The following GABRB3 variants were observed in gnomAD, a reference collection of about 807,000 sequenced individuals.
The protein encoded by GABRB3 is gamma-aminobutyric acid type A receptor subunit beta3.
A neutral mutation model predicts 52.1 loss-of-function variants in GABRB3; 14 were observed. That is an observed-to-expected ratio of 0.27 (90% confidence interval 0.18 to 0.42). The LOEUF is 0.42. Ranked by LOEUF, GABRB3 falls within the 10% of genes least tolerant of loss-of-function variation. The pLI is 1.00. For synonymous variants in GABRB3, 260 were observed against 232.3 expected (o/e 1.12, Z -1.08); for missense variants, 307 against 609.1 (o/e 0.50, Z 5.22).
rs1333585884 is a variant in GABRB3, at chr15:26,545,880, G to A, written c.*1913C>T. 6.6e-6 allele frequency: 1 copy of A among 152,624 alleles called. No homozygotes were observed. Among genetic ancestry groups the A allele is most frequent in the Non-Finnish European group, 1.5e-5 (1 of 68,042 alleles). 9.5% of individuals were successfully genotyped at this position (152,624 alleles called of 1,614,324 possible). On this transcript the variant is annotated 3_prime_UTR_variant, in exon 9 of 9. Transcript: ENST00000311550. Reference sequence around the variant, plus strand: ...AAGAGGGAAAAGGGTCTAAAAGTAGGTAATTGCCTCTAGCGTGAGATTTTG... The same window carrying A: ...AAGAGGGAAAAGGGTCTAAAAGTAGATAATTGCCTCTAGCGTGAGATTTTG...
At chr15:26,564,429 G>A (rs533459897) in intron 7 of GABRB3, among the ~76,000 whole-genome samples, 5 of 152,248 alleles carry the variant, frequency 3.3e-5, no homozygotes, top group East Asian at 3.9e-4. Context: ...CGAGGAGCAC[G>A]GCTGTCTGAA....
At chr15:26,754,988 G>A (rs750561101) in intron 3 of GABRB3, among the ~76,000 whole-genome samples, 1 of 149,246 alleles carries the variant, frequency 6.7e-6, no homozygotes, top group Non-Finnish European at 1.5e-5. Context: ...GATAAAAATG[G>A]TTAGAGCCTC....
intron 3 of GABRB3, chr15:26,642,331 G>A (rs759295771): frequency 1.3e-5 from 5 of 397,348 alleles, no homozygotes; most frequent in Non-Finnish European, 2.3e-5. Context: ...TATGGGACTT[G>A]AATATGTGTG....
chr15:26,608,619 A>C (rs1461787507), intron 4 of GABRB3, among the ~76,000 whole-genome samples: 1 of 152,078 alleles, frequency 6.6e-6, no homozygotes, highest in African/African-American at 2.4e-5. Context: ...AAAAAAGCTC[A>C]ATTTAAAAAA....
chr15:26,548,189 G>T, intron 8 of GABRB3, 55 bp from the exon 9 acceptor site: 1 of 1,354,314 alleles, frequency 7.4e-7, no homozygotes, highest in Non-Finnish European at 1.1e-6. Flanking sequence ...ATTTCCCTAT[G>T]CAGATCCCGG....
At chr15:26,629,319 G>C (rs1294155787) in intron 3 of GABRB3, 1 of 653,214 alleles carries the variant, frequency 1.5e-6, no homozygotes, top group African/African-American at 1.9e-5. Flanking sequence ...GCGTGGCCCA[G>C]CTCAGGAGCC....
chr15:26,558,559 G>A (rs1345233503), intron 8 of GABRB3, among the ~76,000 whole-genome samples: 1 of 152,148 alleles, frequency 6.6e-6, no homozygotes, highest in Non-Finnish European at 1.5e-5. Flanking sequence ...TACTGGAGGT[G>A]GGGCCTGGTG....
At chr15:26,740,919 G>T (rs1890187874) in intron 3 of GABRB3, among the ~76,000 whole-genome samples, 2 of 152,130 alleles carry the variant, frequency 1.3e-5, no homozygotes, top group Admixed American at 1.3e-4. Context: ...GGAAGTACTT[G>T]GAGGGGGAGA....
At chr15:26,705,318 C>A (rs1283788146) in intron 3 of GABRB3, among the ~76,000 whole-genome samples, 1 of 152,116 alleles carries the variant, frequency 6.6e-6, no homozygotes, top group Non-Finnish European at 1.5e-5. Context: ...GAAGCCTCAC[C>A]ACCTCTTAAA....
At chr15:26,591,311 C>A (rs747590122) in intron 4 of GABRB3, among the ~76,000 whole-genome samples, 1 of 152,310 alleles carries the variant, frequency 6.6e-6, no homozygotes, top group African/African-American at 2.4e-5. Context: ...CTTATCGCTA[C>A]GTAGGGATCA....
chr15:26,586,948 T>C (rs926623894), intron 4 of GABRB3, among the ~76,000 whole-genome samples: 4 of 152,112 alleles, frequency 2.6e-5, no homozygotes, highest in African/African-American at 9.7e-5. Flanking sequence ...AGGGAGAATA[T>C]GTTTTCTCTT....
intron 3 of GABRB3, among the ~76,000 whole-genome samples, chr15:26,700,160 G>A (rs1699043306): frequency 6.6e-6 from 1 of 151,974 alleles, no homozygotes; most frequent in South Asian, 2.1e-4. Context: ...TAAAAGAAGA[G>A]ACATCATTTC....
intron 3 of GABRB3, among the ~76,000 whole-genome samples, chr15:26,639,632 T>G (rs996672476): frequency 6.6e-6 from 1 of 152,174 alleles, no homozygotes; most frequent in African/African-American, 2.4e-5. Flanking sequence ...ACCCAGTACG[T>G]GTTAACTTTG....
At chr15:26,569,845 T>C (rs1268076021) in intron 6 of GABRB3, among the ~76,000 whole-genome samples, 1 of 152,224 alleles carries the variant, frequency 6.6e-6, no homozygotes, top group Non-Finnish European at 1.5e-5. Context: ...AACCTTGTCC[T>C]TTCAATTACT....
intron 3 of GABRB3, among the ~76,000 whole-genome samples, chr15:26,628,674 AAAAAAAACAAAAAAAC>A (rs973221364): frequency 2.6e-4 from 27 of 105,148 alleles, no homozygotes; most frequent in Non-Finnish European, 1.4e-4. Flanking sequence ...CTATTTTCGC[AAAAAAAACAAAAAAAC>A]AAAAAAACAA....
intron 6 of GABRB3, among the ~76,000 whole-genome samples, chr15:26,571,884 C>T (rs921854432): frequency 6.6e-6 from 1 of 151,864 alleles, no homozygotes; most frequent in Non-Finnish European, 1.5e-5. Flanking sequence ...CCCATCTCTA[C>T]TAAAAATACA....
chr15:26,718,943 C>CT (rs35162989), intron 3 of GABRB3, among the ~76,000 whole-genome samples: 35,884 of 152,218 alleles, frequency 0.24, 4,423 homozygotes, highest in Non-Finnish European at 0.26. Flanking sequence ...CCACTTCACC[C>CT]TCTGGTGTCC....
At chr15:26,566,778 T>C (rs10438462) in intron 7 of GABRB3, among the ~76,000 whole-genome samples, 80,227 of 151,904 alleles carry the variant, frequency 0.53, 22,012 homozygotes, top group African/African-American at 0.68. Flanking sequence ...CCTGAATTCT[T>C]ATGTTTTTTT....
intron 3 of GABRB3, among the ~76,000 whole-genome samples, chr15:26,708,971 T>G (rs989165641): frequency 1.3e-5 from 2 of 152,238 alleles, no homozygotes; most frequent in Non-Finnish European, 2.9e-5. Flanking sequence ...TATCTTATTT[T>G]GTACTATGTT....
Sources: gnomAD v4.1 joint callset for allele counts (sites outside exome capture counted in the v4.1 genomes callset) on GRCh38, gnomAD v4.1.1 for gene constraint, MANE v1.5 for transcripts, NCBI Gene and HGNC (gene_info 2026-07-23, HGNC 2026-07-21) for gene names.